Variants in ARMH3 observed in about 807,000 individuals in gnomAD.
ARMH3 encodes armadillo like helical domain containing 3.
ARMH3 carries 60 observed loss-of-function variants against 99.1 expected under a neutral mutation model. The ratio of observed to expected loss-of-function variants is 0.61; its 90% CI spans 0.49 to 0.75. The LOEUF (loss-of-function observed/expected upper bound fraction) is 0.75. Among genes scored for constraint, ARMH3 ranks in the 30% least tolerant of loss-of-function variants. The pLI, the probability that ARMH3 is intolerant of heterozygous loss-of-function variation, is 0.00. For synonymous variants in ARMH3, 285 were observed against 292.8 expected, an observed-to-expected ratio of 0.97 and a Z score of 0.27; for missense variants, 679 against 843.1, an observed-to-expected ratio of 0.81 and a Z score of 2.41.
At chr10:101,909,815 A>G (rs966330538) in intron 23 of ARMH3, among the ~76,000 whole-genome samples, 3 of 151,980 alleles carry the variant, frequency 2.0e-5, no homozygotes, top group African/African-American at 7.2e-5. Context: ...AAAGCATCTC[A>G]CGTATCTCAT....
chr10:102,006,581 G>T lies in ARMH3; in HGVS notation c.1007C>A (p.Thr336Asn). ...TGTGGTCCCAAGTGGTGTGACTGGG[G>T]TTGTAGGAGCAGGACTGACAGGGGT... ...VTTPVSPAPT[T>N]PVTPLGTTPP... The change falls in exon 14 of 26, where the codon ACC becomes AAC. Residue 336 changes from threonine to asparagine, a missense_variant. Physicochemically the swap from Thr to Asn is moderately conservative, Grantham distance 65. Around this residue, in one of 3 missense-constraint regions of ARMH3, gnomAD observed 389 missense variants for 456.5 expected, o/e 0.85. Coordinates refer to ENST00000370033, the MANE Select transcript of ARMH3 (RefSeq NM_024541.3). 6.2e-7 allele frequency: 1 copy of T among 1,614,102 alleles called. No individual in the cohort carries two copies. The highest frequency in any genetic ancestry group is 8.5e-7 in the Non-Finnish European group (1 of 1,179,960).
intron 20 of ARMH3, among the ~76,000 whole-genome samples, chr10:101,972,961 C>T (rs1335987402): frequency 6.6e-6 from 1 of 152,074 alleles, no homozygotes; most frequent in Non-Finnish European, 1.5e-5. Context: ...CGTCAACTGA[C>T]CAACACAGAA....
chr10:101,864,060 CAAAAAAA>C (rs71485765), intron 24 of ARMH3, among the ~76,000 whole-genome samples: 4 of 105,678 alleles, frequency 3.8e-5, no homozygotes, highest in Non-Finnish European at 5.4e-5. Context: ...GACTCCATCT[CAAAAAAA>C]AAAAAAAAAA....
chr10:101,974,395 G>A (rs978302615), intron 20 of ARMH3, among the ~76,000 whole-genome samples: 1 of 152,056 alleles, frequency 6.6e-6, no homozygotes, highest in Non-Finnish European at 1.5e-5. Flanking sequence ...CCCATGGGTG[G>A]GCAACCCTTC....
At chr10:101,874,813 T>C (rs1396873476) in intron 24 of ARMH3, among the ~76,000 whole-genome samples, 2 of 152,124 alleles carry the variant, frequency 1.3e-5, no homozygotes, top group Non-Finnish European at 2.9e-5. Flanking sequence ...AATATTTCAC[T>C]GGGGGTTCAA....
chr10:102,033,713 C>G (rs1309503494), intron 2 of ARMH3, among the ~76,000 whole-genome samples: 2 of 152,118 alleles, frequency 1.3e-5, no homozygotes, highest in Non-Finnish European at 2.9e-5. Flanking sequence ...CCACCGCACC[C>G]GGCCCCTTAG....
At chr10:101,997,621 G>A (rs921939342) in intron 15 of ARMH3, among the ~76,000 whole-genome samples, 4 of 151,922 alleles carry the variant, frequency 2.6e-5, no homozygotes, top group African/African-American at 9.7e-5. Flanking sequence ...GGAGAATGGA[G>A]AGGAGAGAAG....
rs1564878585 is a variant in ARMH3 at position 102,041,093 on chromosome 10, AT to A, written c.-11-969del. On this transcript the variant is annotated intron_variant, in intron 1 of 25. Transcript: ENST00000370033. ...GTGTGTACATATATATATATATAAT[AT>A]ATATATATATATATATATGTAGGTA... Among the ~76,000 whole-genome samples the A allele has an allele frequency of 1.4e-4, 20 of 138,822 alleles. 1 individual carries two copies. The highest frequency in any genetic ancestry group is 3.6e-4 in the African/African-American group (13 of 35,836). 91.1% of individuals were successfully genotyped at this position (138,822 alleles called of 152,430 possible). A position where few individuals can be genotyped will look rare whatever the true frequency, so the allele number is the denominator to read the frequency against.
At chr10:101,853,624 C>G (rs568016574) in intron 24 of ARMH3, among the ~76,000 whole-genome samples, 1 of 152,200 alleles carries the variant, frequency 6.6e-6, no homozygotes, top group Non-Finnish European at 1.5e-5. Flanking sequence ...TCTACGCCCC[C>G]GCAAGCACAA....
At chr10:101,898,693 C>T (rs568027768) in intron 23 of ARMH3, among the ~76,000 whole-genome samples, 2 of 152,306 alleles carry the variant, frequency 1.3e-5, no homozygotes, top group East Asian at 3.9e-4. Context: ...CACGCGCACA[C>T]ACACACACAC....
chr10:101,897,068 CA>C (rs1264911783), intron 23 of ARMH3, among the ~76,000 whole-genome samples: 3 of 152,082 alleles, frequency 2.0e-5, no homozygotes, highest in African/African-American at 4.8e-5. Flanking sequence ...CATCCTTTAC[CA>C]ATTTATTTTT....
intron 19 of ARMH3, among the ~76,000 whole-genome samples, chr10:101,978,756 A>G (rs1244379660): frequency 2.6e-5 from 4 of 152,188 alleles, no homozygotes; most frequent in Non-Finnish European, 5.9e-5. Flanking sequence ...CCTGGCCAAC[A>G]TGGTGAAACA....
chr10:101,988,113 TA>T (rs1846595751), intron 19 of ARMH3, among the ~76,000 whole-genome samples: 1 of 152,204 alleles, frequency 6.6e-6, no homozygotes, highest in South Asian at 2.1e-4. Flanking sequence ...TTTAAACCAC[TA>T]CGTCTAGGGT....
Position 101,847,635 on chromosome 10 carries a change from T to A in ARMH3, c.1978-15A>T, listed in dbSNP as rs773162183. 1 of 1,613,098 alleles carries A rather than the reference T, an allele frequency of 6.2e-7. No individual in the cohort carries two copies. The highest frequency in any genetic ancestry group is 8.5e-7 in the Non-Finnish European group (1 of 1,179,178). Reference sequence around the variant, plus strand: ...ATGGATCGAACCTGGGAAAGGGTAGTTGGGGAAGGTGGGAGGGCGCAGCCA... The same window carrying A: ...ATGGATCGAACCTGGGAAAGGGTAGATGGGGAAGGTGGGAGGGCGCAGCCA... On this transcript the variant is annotated splice_polypyrimidine_tract_variant and intron_variant, in intron 25 of 25. Coordinates refer to ENST00000370033, the MANE Select transcript of ARMH3 (RefSeq NM_024541.3).
At chr10:101,885,486 A>T (rs1051989946) in intron 24 of ARMH3, among the ~76,000 whole-genome samples, 3 of 152,248 alleles carry the variant, frequency 2.0e-5, no homozygotes, top group Non-Finnish European at 4.4e-5. Flanking sequence ...TACAATATGG[A>T]TGAATCTTGA....
rs2067959936 is a variant in ARMH3 at position 101,900,954 on chromosome 10, AG to A, written c.1782-11465del. Among the ~76,000 whole-genome samples, 9 of 152,232 alleles carry A rather than the reference AG, an allele frequency of 5.9e-5. No homozygotes were observed. In the South Asian group the frequency reaches 1.9e-3, roughly 32 times the overall value. On this transcript the variant is annotated intron_variant, in intron 23 of 25. Transcript: ENST00000370033. ...AGCTGTGATCATGCCACTGTACTCCAGCCTGGGCAACAGAGCAAGACCCTGT... is the reference window on the plus strand; with the variant it reads ...AGCTGTGATCATGCCACTGTACTCCACCTGGGCAACAGAGCAAGACCCTGT...
chr10:101,990,179 C>CA (rs1846718892), intron 19 of ARMH3, among the ~76,000 whole-genome samples: 1 of 134,580 alleles, frequency 7.4e-6, no homozygotes, highest in Admixed American at 7.5e-5. Flanking sequence ...CATGAACTTT[C>CA]TTTTTTTTTT....
intron 23 of ARMH3, among the ~76,000 whole-genome samples, chr10:101,913,788 AAGGG>A (rs1842968184): frequency 6.6e-6 from 1 of 152,198 alleles, no homozygotes; most frequent in Admixed American, 6.5e-5. Flanking sequence ...GACTGCACAA[AAGGG>A]AGGGAACACT....
At chr10:101,862,930 G>A (rs143014579) in intron 24 of ARMH3, among the ~76,000 whole-genome samples, 10 of 152,270 alleles carry the variant, frequency 6.6e-5, no homozygotes, top group East Asian at 5.8e-4. Context: ...TAAGCCAGGC[G>A]CGGTGGCTCA....
Sources: gnomAD v4.1 joint callset for allele counts (sites outside exome capture counted in the v4.1 genomes callset) on GRCh38, gnomAD v4.1.1 for gene constraint, gnomAD v4.1.1 regional missense constraint, MANE v1.5 for transcripts, NCBI Gene and HGNC (gene_info 2026-07-23, HGNC 2026-07-21) for gene names.